The following NEB variants were observed in gnomAD, a reference collection of about 807,000 sequenced individuals.
The protein encoded by NEB is nebulin.
NEB carries 512 observed loss-of-function variants against 952.2 expected under a neutral mutation model. The observed-to-expected ratio is 0.54, with a 90% CI of 0.50 to 0.58. NEB has a LOEUF of 0.58. Ranked by LOEUF, NEB falls within the 20% of genes least tolerant of loss-of-function variation. The probability of loss-of-function intolerance (pLI) is 0.00; values close to 1 mark genes in which losing one functional copy is unlikely to be tolerated. For missense variants in NEB, 8,428 were observed against 9,231.1 expected, an observed-to-expected ratio of 0.91 and a Z score of 3.56; for synonymous variants, 2,900 against 3,149.8, an observed-to-expected ratio of 0.92 and a Z score of 2.66.
rs1405151542 is a variant in NEB, at chr2:151,621,037, A to G, written c.10453-11T>C. 3.2e-6 allele frequency: 5 copies of G among 1,584,992 alleles called. No homozygotes were observed. The highest frequency in any genetic ancestry group is 1.1e-5 in the South Asian group (1 of 87,948). Reference sequence around the variant, plus strand: ...CTGACGATAGAGGCTCTGAGGAAAGAAGGAGTAGCTTTTAAATATAGAATT... The same window carrying G: ...CTGACGATAGAGGCTCTGAGGAAAGGAGGAGTAGCTTTTAAATATAGAATT... On this transcript the variant is annotated splice_polypyrimidine_tract_variant and intron_variant, in intron 71 of 181. Transcript: ENST00000397345.
chr2:151,655,399 G>T, intron 50 of NEB, 25 bp from the exon 51 acceptor site: 1 of 1,351,542 alleles, frequency 7.4e-7, no homozygotes. Flanking sequence ...AAAAAGACAT[G>T]AAATTTGAAT....
intron 164 of NEB, 82 bp from the exon 165 acceptor site, chr2:151,505,652 G>GC (rs2068219963): frequency 8.5e-7 from 1 of 1,180,186 alleles, no homozygotes; most frequent in African/African-American, 1.5e-5. Context: ...GTTTTTTGTA[G>GC]CCCCCAAATT....
In NEB at chr2:151,551,854, G is replaced by A; in HGVS notation, c.19837-9C>T. 18 of 1,594,454 alleles carry A rather than the reference G, an allele frequency of 1.1e-5. No individual in the cohort carries two copies. Among genetic ancestry groups the A allele is most frequent in the Non-Finnish European group, 1.5e-5 (18 of 1,166,888 alleles). On this transcript the variant is annotated splice_polypyrimidine_tract_variant and intron_variant, in intron 128 of 181. Coordinates refer to ENST00000397345, the MANE Select transcript of NEB (RefSeq NM_001164508.2). ...TCATAGTGGTAGACAGCCTGGTGCAGAAAGAAGCATTGTTAGAAGCAAAGA... is the reference window on the plus strand; with the variant it reads ...TCATAGTGGTAGACAGCCTGGTGCAAAAAGAAGCATTGTTAGAAGCAAAGA...
rs948550711 is a variant in NEB, at chr2:151,562,554, G to C, written c.18891+57C>G. 3 of 1,434,712 alleles carry C rather than the reference G, an allele frequency of 2.1e-6. No homozygotes were observed. The East Asian group carries it at 7.1e-5, about 34-fold the overall frequency. The allele number at this position is 1,434,712 out of a possible 1,614,324, so 88.9% of individuals were successfully genotyped here. A position where few individuals can be genotyped will look rare whatever the true frequency, so the allele number is the denominator to read the frequency against. ...GCATGGCAGCCAGGGTTGGGGGGTAGCCAAGACACAGTCATGGAAGCTGTA... is the reference window on the plus strand; with the variant it reads ...GCATGGCAGCCAGGGTTGGGGGGTACCCAAGACACAGTCATGGAAGCTGTA... On this transcript the variant is annotated intron_variant, in intron 120 of 181. Coordinates refer to ENST00000397345, the MANE Select transcript of NEB (RefSeq NM_001164508.2).
chr2:151,569,394 G>T (rs773997354), intron 109 of NEB, 22 bp from the exon 110 acceptor site: 1 of 1,576,342 alleles, frequency 6.3e-7, no homozygotes, highest in Admixed American at 1.7e-5. Flanking sequence ...GGGCCAGAAT[G>T]AGTTCAGCAA....
chr2:151,672,654 C>A lies in NEB; in HGVS notation c.4014G>T (p.Lys1338Asn). 1 of 1,613,682 alleles carries A rather than the reference C, an allele frequency of 6.2e-7. No individual in the cohort carries two copies. The highest frequency in any genetic ancestry group is 1.3e-5 in the African/African-American group (1 of 75,002). The change falls in exon 37 of 182, where the codon AAG becomes AAT. Residue 1338 changes from lysine to asparagine, a missense_variant. By Grantham distance (94) the Lys-to-Asn change is moderately conservative. Coordinates refer to ENST00000397345, the MANE Select transcript of NEB (RefSeq NM_001164508.2). ...SDYKYKEAYE[K>N]SKGKHVGFRS... ...TGAAACCCACATGCTTTCCCTTTGA[C>A]TTCTCATAAGCTTCCTTGTATTTAT...
At chr2:151,530,919 C>T in intron 145 of NEB, 75 bp downstream of exon 145, 6 of 931,914 alleles carry the variant, frequency 6.4e-6, no homozygotes, top group Non-Finnish European at 1.0e-5. Context: ...GAATAGATAA[C>T]TGGACCAGGG....
intron 10 of NEB, among the ~76,000 whole-genome samples, chr2:151,710,936 C>T (rs2099743216): frequency 6.6e-6 from 1 of 152,202 alleles, no homozygotes; most frequent in Non-Finnish European, 1.5e-5. Flanking sequence ...GCTTTACAAA[C>T]ACTCCTAGTT....
intron 13 of NEB, among the ~76,000 whole-genome samples, chr2:151,699,042 G>A (rs1325246990): frequency 2.1e-4 from 28 of 134,676 alleles, no homozygotes; most frequent in African/African-American, 7.9e-4. Flanking sequence ...TCCCCAGAGT[G>A]TGATATTCCC....
intron 28 of NEB, among the ~76,000 whole-genome samples, chr2:151,684,113 G>C (rs1279475422): frequency 6.6e-6 from 1 of 152,124 alleles, no homozygotes; most frequent in East Asian, 1.9e-4. Flanking sequence ...TTCAGTCTGG[G>C]AAGATGAAAA....
intron 10 of NEB, among the ~76,000 whole-genome samples, chr2:151,713,763 T>C (rs892652438): frequency 2.0e-5 from 3 of 152,178 alleles, no homozygotes; most frequent in Non-Finnish European, 4.4e-5. Flanking sequence ...TCATCTATGT[T>C]AGAGCTACAA....
At position 151,494,229 on chromosome 2, in the gene NEB, TC is replaced by T; in HGVS notation, c.24510del (p.Ala8172ProfsTer44). 1 of 1,602,936 alleles carries T rather than the reference TC, an allele frequency of 6.2e-7. No homozygotes were observed. Among genetic ancestry groups the T allele is most frequent in the Non-Finnish European group, 8.5e-7 (1 of 1,173,776 alleles). Reference sequence around the variant, plus strand: ...GGAGTGACAGGGGTTGCGGTGGCTTTCCCCACATTTTCTTTGTACAAAACCT... The same window carrying T: ...GGAGTGACAGGGGTTGCGGTGGCTTTCCCACATTTTCTTTGTACAAAACCT... Reference protein sequence around the residue: ...ISSVLYKENVGKATATPVTPE... With the variant: ...ISSVLYKENVXKATATPVTPE... On this transcript the variant is annotated frameshift_variant, in exon 174 of 182. Coordinates refer to ENST00000397345, the MANE Select transcript of NEB (RefSeq NM_001164508.2). LOFTEE classifies it high-confidence loss of function.
At chr2:151,703,903 G>A (rs1480676819) in intron 13 of NEB, among the ~76,000 whole-genome samples, 1 of 134,642 alleles carries the variant, frequency 7.4e-6, no homozygotes. Flanking sequence ...TTGCTGGTGA[G>A]GAACTGCGTT....
intron 29 of NEB, among the ~76,000 whole-genome samples, chr2:151,681,132 T>G (rs1465629326): frequency 1.3e-5 from 2 of 152,204 alleles, no homozygotes; most frequent in Admixed American, 6.5e-5. Context: ...AAGCAGAATC[T>G]GGAAACATCA....
chr2:151,508,430 G>A (rs774806722), intron 161 of NEB, among the ~76,000 whole-genome samples: 2 of 152,214 alleles, frequency 1.3e-5, no homozygotes, highest in Non-Finnish European at 2.9e-5. Context: ...GAGGGAGATG[G>A]GGATGCCTCC....
intron 45 of NEB, 136 bp from the exon 46 acceptor site, chr2:151,662,477 T>C: frequency 1.5e-6 from 1 of 686,466 alleles, no homozygotes; most frequent in Non-Finnish European, 2.2e-6. Flanking sequence ...TTTGCTTGAA[T>C]ATTGGTATTT....
intron 143 of NEB, 140 bp downstream of exon 143, chr2:151,533,302 C>G: frequency 1.6e-6 from 1 of 609,608 alleles, no homozygotes; most frequent in Admixed American, 2.9e-5. Flanking sequence ...AGATCATTTA[C>G]AAGGAATGAA....
At chr2:151,545,833 T>G in intron 135 of NEB, 55 bp downstream of exon 135, 1 of 1,084,274 alleles carries the variant, frequency 9.2e-7, no homozygotes, top group Non-Finnish European at 1.4e-6. Context: ...TGTGGAGTAA[T>G]TCAGTTTGTA....
In NEB at chr2:151,493,364, T is replaced by C. The variant is rs755319612; in HGVS notation, c.24754A>G (p.Asn8252Asp). Residue 8252 changes from asparagine (N) to aspartate (D), a missense_variant, in exon 176 of 182, where the codon AAC (asparagine) becomes GAC (aspartate). By Grantham distance (23) the Asn-to-Asp change is conservative (BLOSUM62 1). This residue lies in a region of NEB where 3,374 missense variants were observed against 3,651.5 expected (regional missense o/e 0.92). Transcript: ENST00000397345. ...GTCCTAGAAAATACCGAGCTAATGT[T>C]TTCTTGGTTGCGCTTAGCTCTCTCC... is the stretch of plus-strand genomic sequence containing the variant. ...EMERAKRNQE[N>D]ISSVLYSDSF... 6.2e-7 allele frequency: 1 copy of C among 1,610,984 alleles called. No homozygotes were observed. Among genetic ancestry groups the C allele is most frequent in the East Asian group, 2.2e-5 (1 of 44,842 alleles).
Sources: allele counts gnomAD v4.1 joint callset (sites outside exome capture counted in the v4.1 genomes callset), GRCh38; gene constraint gnomAD v4.1.1; regional missense constraint gnomAD v4.1.1; transcripts MANE v1.5; gene names NCBI Gene and HGNC (gene_info 2026-07-23, HGNC 2026-07-21).